The following FAF1 variants were observed in gnomAD, a reference collection of about 807,000 sequenced individuals.
The protein encoded by FAF1 is FAS-associated factor 1.
A neutral mutation model predicts 92.5 loss-of-function variants in FAF1; 25 were observed. The observed-to-expected ratio is 0.27, with a 90% CI of 0.20 to 0.38. The LOEUF is 0.38. Ranked by LOEUF, FAF1 falls within the 10% of genes least tolerant of loss-of-function variation. The pLI is 1.00. For missense variants in FAF1, 636 were observed against 793.3 expected, an observed-to-expected ratio of 0.80 and a Z score of 2.38; for synonymous variants, 234 against 273.2, an observed-to-expected ratio of 0.86 and a Z score of 1.42.
At chr1:50,574,533 G>C (rs889569213) in intron 12 of FAF1, among the ~76,000 whole-genome samples, 7 of 152,138 alleles carry the variant, frequency 4.6e-5, no homozygotes, top group African/African-American at 1.7e-4. Context: ...ACTACTCCTA[G>C]TCAGCAATAG....
chr1:50,815,426 C>T (rs1643959422), intron 2 of FAF1, among the ~76,000 whole-genome samples: 2 of 152,158 alleles, frequency 1.3e-5, no homozygotes, highest in Non-Finnish European at 2.9e-5. Flanking sequence ...CATAATATCC[C>T]ATGGTGTATA....
intron 13 of FAF1, among the ~76,000 whole-genome samples, chr1:50,544,801 G>C (rs902930845): frequency 6.6e-6 from 1 of 152,086 alleles, no homozygotes; most frequent in African/African-American, 2.4e-5. Flanking sequence ...ATGAAACGCT[G>C]ACATTTGATC....
At chr1:50,845,488 C>A (rs1450434466) in intron 2 of FAF1, among the ~76,000 whole-genome samples, 1 of 152,110 alleles carries the variant, frequency 6.6e-6, no homozygotes, top group Non-Finnish European at 1.5e-5. Context: ...GCTGCTCCTG[C>A]AAATTGCCCA....
chr1:50,743,475 G>A (rs143270508), intron 5 of FAF1, among the ~76,000 whole-genome samples: 4 of 151,600 alleles, frequency 2.6e-5, no homozygotes, highest in Admixed American at 1.3e-4. Context: ...TTACAGGGGC[G>A]TGCCACCACG....
intron 6 of FAF1, among the ~76,000 whole-genome samples, chr1:50,715,312 G>T (rs965920589): frequency 1.3e-5 from 2 of 152,054 alleles, no homozygotes; most frequent in African/African-American, 2.4e-5. Context: ...TGAAGGTGGC[G>T]GGGTGGGAGC....
chr1:50,437,202 A>G lies in FAF1; in HGVS notation c.*4238T>C, dbSNP rs1646135675. The stretch of plus-strand genomic sequence containing the variant: ...CAAGGCAAGAAAGTCTAGTGATTGT[A>G]TTTCATCCTCTGGAGGTTTCTTTTA... On this transcript the variant is annotated 3_prime_UTR_variant, in exon 19 of 19. Coordinates refer to ENST00000396153, the MANE Select transcript of FAF1 (RefSeq NM_007051.3). 1 of 152,214 alleles carries G rather than the reference A, an allele frequency of 6.6e-6. No individual in the cohort carries two copies. The highest frequency in any genetic ancestry group is 6.5e-5 in the Admixed American group (1 of 15,280). 9.4% of individuals were successfully genotyped at this position (152,214 alleles called of 1,614,324 possible).
chr1:50,926,994 T>C (rs1183577183), intron 1 of FAF1, among the ~76,000 whole-genome samples: 1 of 152,162 alleles, frequency 6.6e-6, no homozygotes, highest in Non-Finnish European at 1.5e-5. Context: ...CTATGTTAAG[T>C]GAAACAAGCC....
intron 3 of FAF1, among the ~76,000 whole-genome samples, chr1:50,791,487 A>T (rs191199955): frequency 6.6e-6 from 1 of 152,292 alleles, no homozygotes; most frequent in East Asian, 1.9e-4. Context: ...AGGGGAGGAG[A>T]TTAGTAGAGA....
At chr1:50,862,187 A>C (rs544208289) in intron 1 of FAF1, among the ~76,000 whole-genome samples, 2 of 152,020 alleles carry the variant, frequency 1.3e-5, no homozygotes, top group African/African-American at 4.8e-5. Context: ...ATTTAAATAC[A>C]TGTAAAGTAT....
chr1:50,638,851 T>C (rs1654189330), intron 8 of FAF1, among the ~76,000 whole-genome samples: 2 of 152,352 alleles, frequency 1.3e-5, no homozygotes. Flanking sequence ...CTTATTTTTA[T>C]GAAAGACTCA....
chr1:50,520,537 C>T (rs1647444828), intron 15 of FAF1, among the ~76,000 whole-genome samples: 1 of 152,170 alleles, frequency 6.6e-6, no homozygotes, highest in Admixed American at 6.5e-5. Context: ...ACTGTACTTT[C>T]CAGAACCAGA....
chr1:50,729,036 A>ATCTC, intron 6 of FAF1, among the ~76,000 whole-genome samples: 1 of 95,250 alleles, frequency 1.0e-5, no homozygotes, highest in Non-Finnish European at 1.9e-5. Flanking sequence ...CTATCTATCT[A>ATCTC]TATATATATA....
intron 6 of FAF1, among the ~76,000 whole-genome samples, chr1:50,736,254 C>A (rs957790754): frequency 5.3e-5 from 8 of 151,970 alleles, no homozygotes; most frequent in Admixed American, 1.3e-4. Flanking sequence ...CTTTTTTCTC[C>A]TTTTTAGATT....
intron 6 of FAF1, among the ~76,000 whole-genome samples, chr1:50,706,549 T>C (rs1657681413): frequency 6.6e-6 from 1 of 151,906 alleles, no homozygotes; most frequent in Non-Finnish European, 1.5e-5. Flanking sequence ...AATCAAGAAA[T>C]GTAAGTCATG....
intron 8 of FAF1, among the ~76,000 whole-genome samples, chr1:50,627,571 G>A (rs1026337237): frequency 1.3e-5 from 2 of 151,760 alleles, no homozygotes; most frequent in Non-Finnish European, 2.9e-5. Flanking sequence ...GGACAAAGAA[G>A]GAAGGAAAGG....
intron 6 of FAF1, among the ~76,000 whole-genome samples, chr1:50,729,125 G>A (rs1434199565): frequency 4.2e-5 from 6 of 142,400 alleles, no homozygotes; most frequent in South Asian, 2.2e-4. Flanking sequence ...GCACAATCTC[G>A]GCTCACTGCA....
chr1:50,509,896 A>G (rs1225320324), intron 15 of FAF1, among the ~76,000 whole-genome samples: 2 of 152,110 alleles, frequency 1.3e-5, no homozygotes, highest in African/African-American at 4.8e-5. Flanking sequence ...GGCCAGGCAC[A>G]GTGGCTCATG....
intron 18 of FAF1, among the ~76,000 whole-genome samples, chr1:50,453,872 C>G (rs1425860877): frequency 6.6e-6 from 1 of 152,176 alleles, no homozygotes; most frequent in Non-Finnish European, 1.5e-5. Context: ...GGGCTCAGAG[C>G]TGGGGAGGGG....
intron 13 of FAF1, among the ~76,000 whole-genome samples, chr1:50,545,479 G>C (rs1254811191): frequency 1.3e-5 from 2 of 152,062 alleles, no homozygotes; most frequent in Non-Finnish European, 2.9e-5. Flanking sequence ...ATGTTGGCCA[G>C]GCTGGTCTTG....
Sources: gnomAD v4.1 joint callset for allele counts (sites outside exome capture counted in the v4.1 genomes callset) on GRCh38, gnomAD v4.1.1 for gene constraint, MANE v1.5 for transcripts, NCBI Gene and HGNC (gene_info 2026-07-23, HGNC 2026-07-21) for gene names.